CPAMD8: variants seen among roughly 807,000 people sequenced by gnomAD.
The protein encoded by CPAMD8 is C3 and PZP like alpha-2-macroglobulin domain containing 8.
Under a neutral mutation model 224.7 loss-of-function variants are expected in CPAMD8, and 146 were observed. That is an observed-to-expected ratio of 0.65 (90% CI 0.57 to 0.75). The LOEUF is 0.75. Ranked by LOEUF, CPAMD8 falls within the 30% of genes least tolerant of loss-of-function variation. The pLI is 0.00. For synonymous variants in CPAMD8, 966 were observed against 1,044.6 expected (o/e 0.92, Z 1.45); for missense variants, 2,301 against 2,537.5 (o/e 0.91, Z 2.00).
At chr19:17,017,739 T>C (rs143535294) in intron 3 of CPAMD8, among the ~76,000 whole-genome samples, 316 of 152,244 alleles carry the variant, frequency 2.1e-3, no homozygotes, top group African/African-American at 7.1e-3. Flanking sequence ...TCATCAAATG[T>C]AATGGAGGGG....
chr19:16,999,320 C>T (rs1230447207), intron 10 of CPAMD8, among the ~76,000 whole-genome samples: 4 of 152,052 alleles, frequency 2.6e-5, no homozygotes, highest in African/African-American at 9.7e-5. Flanking sequence ...GTGGCTCACG[C>T]CTGTAATCCC....
In CPAMD8 at chr19:17,011,332, GA is replaced by G. The variant is rs1292162828; in HGVS notation, c.486+131del. The stretch of plus-strand genomic sequence containing the variant: ...AAGAACTCCCTGGGGTTCTCCGGGG[GA>G]CATGAAACAACCATGAAAGAAAATA... On this transcript the variant is annotated intron_variant, in intron 5 of 41. Transcript: ENST00000443236. 6.8e-6 allele frequency: 7 copies of G among 1,035,238 alleles called. No individual in the cohort carries two copies. The East Asian group carries it at 1.7e-4, about 25-fold the overall frequency. 64.1% of individuals were successfully genotyped at this position (1,035,238 alleles called of 1,614,324 possible). A position where few individuals can be genotyped will look rare whatever the true frequency, so the allele number is the denominator to read the frequency against.
chr19:16,920,535 C>CGGAAGAT (rs1346330596), intron 27 of CPAMD8, among the ~76,000 whole-genome samples: 1 of 151,158 alleles, frequency 6.6e-6, no homozygotes, highest in Non-Finnish European at 1.5e-5. Flanking sequence ...GTTTAATCCC[C>CGGAAGAT]GGAAGATGCT....
At chr19:16,993,704 A>T in intron 11 of CPAMD8, 118 bp from the exon 12 acceptor site, 2 of 929,084 alleles carry the variant, frequency 2.2e-6, no homozygotes, top group African/African-American at 3.3e-5. Context: ...GAAATTGACA[A>T]ACTGCTCCTG....
intron 20 of CPAMD8, 106 bp from the exon 21 acceptor site, chr19:16,947,333 A>G: frequency 7.4e-7 from 1 of 1,343,918 alleles, no homozygotes; most frequent in South Asian, 1.4e-5. Context: ...CAGACTTGTC[A>G]GCCTCCCAAA....
chr19:16,950,309 T>C (rs2054257785), intron 20 of CPAMD8, among the ~76,000 whole-genome samples: 1 of 151,262 alleles, frequency 6.6e-6, no homozygotes, highest in Non-Finnish European at 1.5e-5. Flanking sequence ...AATAAATAAA[T>C]AAATAAATAA....
chr19:16,999,416 T>C (rs1334426228), intron 10 of CPAMD8, among the ~76,000 whole-genome samples: 2 of 150,910 alleles, frequency 1.3e-5, no homozygotes, highest in Non-Finnish European at 3.0e-5. Context: ...CCGTCTCTAC[T>C]AAAAATACAA....
At position 16,898,115 on chromosome 19, in the gene CPAMD8, A is replaced by G. The variant is rs2052103333; in HGVS notation, c.4849-121T>C. 3.2e-6 allele frequency: 2 copies of G among 620,408 alleles called. No homozygotes were observed. Among genetic ancestry groups the G allele is most frequent in the Non-Finnish European group, 5.5e-6 (2 of 361,382 alleles). 38.4% of individuals were successfully genotyped at this position (620,408 alleles called of 1,614,324 possible). A position where few individuals can be genotyped will look rare whatever the true frequency, so the allele number is the denominator to read the frequency against. On this transcript the variant is annotated intron_variant, in intron 37 of 41. Transcript: ENST00000443236. This position sits in a 1 kb window ranked among gnomAD's most constrained non-coding sequence, Gnocchi z 4.2. The stretch of plus-strand genomic sequence containing the variant: ...ACGCGTGAAACACAGAAGAAACGTG[A>G]TCCCATTTTCTTTTTTTCTTTTACT...
chr19:16,976,212 A>C, intron 15 of CPAMD8, 61 bp from the exon 16 acceptor site: 1 of 1,448,144 alleles, frequency 6.9e-7, no homozygotes, highest in East Asian at 2.4e-5. Flanking sequence ...GTGGTGGCTC[A>C]CGCCTGTAAT....
rs116289704 is a variant in CPAMD8 at position 16,945,565 on chromosome 19, C to T, written c.2777G>A (p.Arg926His). The change falls in exon 22 of 42, where the codon CGC becomes CAC. Residue 926 changes from arginine to histidine, a missense_variant. By Grantham distance (29) the Arg-to-His change is conservative. Transcript: ENST00000443236. Reference protein sequence around the residue: ...RVPIGVDHVRRSVMVEAEGVP... With the variant: ...RVPIGVDHVRHSVMVEAEGVP... The stretch of plus-strand genomic sequence containing the variant: ...CGGCCTTACCTCAACCATCACACTG[C>T]GCCTGACGTGATCCACCCCGATGGG... 1.1e-3 allele frequency: 1,810 copies of T among 1,614,068 alleles called. 22 individuals carry two copies. The African/African-American group carries it at 0.02, about 18-fold the overall frequency.
intron 26 of CPAMD8, 110 bp downstream of exon 26, chr19:16,925,086 C>A: frequency 8.5e-7 from 1 of 1,171,942 alleles, no homozygotes. Flanking sequence ...CCCACTTCCT[C>A]CCCTTTGCTG....
chr19:16,928,915 C>A, intron 24 of CPAMD8, 27 bp downstream of exon 24: 1 of 1,551,358 alleles, frequency 6.4e-7, no homozygotes, highest in Non-Finnish European at 8.7e-7. Flanking sequence ...GGCTTCTGCA[C>A]AAGCCCCAGG....
intron 18 of CPAMD8, among the ~76,000 whole-genome samples, chr19:16,965,205 A>G (rs900371402): frequency 2.2e-4 from 34 of 152,040 alleles, no homozygotes; most frequent in African/African-American, 7.7e-4. Context: ...GCTTGCAGTG[A>G]GCCGATATCG....
intron 25 of CPAMD8, among the ~76,000 whole-genome samples, chr19:16,926,808 T>C (rs1480880657): frequency 6.6e-6 from 1 of 152,104 alleles, no homozygotes; most frequent in Non-Finnish European, 1.5e-5. Flanking sequence ...CCTCTCTGCT[T>C]CTTCTCCTAT....
chr19:16,922,542 GT>G (rs2053216767), intron 26 of CPAMD8, among the ~76,000 whole-genome samples: 1 of 147,164 alleles, frequency 6.8e-6, no homozygotes, highest in African/African-American at 2.5e-5. Flanking sequence ...CACATCTGGG[GT>G]TCTTGAAACT....
At chr19:17,021,914 A>G (rs2056967880) in intron 2 of CPAMD8, 116 bp downstream of exon 2, 10 of 369,652 alleles carry the variant, frequency 2.7e-5, no homozygotes, top group Non-Finnish European at 3.7e-5. Flanking sequence ...GCCCCTGGGG[A>G]TTTAGGGCAG....
In CPAMD8 at chr19:16,979,386, T is replaced by TCATCCATCCATC. The variant is rs55698805; in HGVS notation, c.1585+1099_1585+1110dup. Among the ~76,000 whole-genome samples the TCATCCATCCATC allele has an allele frequency of 7.4e-3, 992 of 133,552 alleles. 15 individuals carry two copies. Among genetic ancestry groups the TCATCCATCCATC allele is most frequent in the African/African-American group, 0.026 (862 of 33,408 alleles). The allele number at this position is 133,552 out of a possible 152,430, so 87.6% of individuals were successfully genotyped here. On this transcript the variant is annotated intron_variant, in intron 14 of 41. Transcript: ENST00000443236. ...TCTGTCCATCCATCCATCTGTCCAT[T>TCATCCATCCATC]CATCCATCCATCCATCCATCCATCC...
At chr19:16,925,066 G>T in intron 26 of CPAMD8, 130 bp downstream of exon 26, 1 of 910,378 alleles carries the variant, frequency 1.1e-6, no homozygotes, top group Non-Finnish European at 1.7e-6. Context: ...ACCCTGAATG[G>T]CCTCTTTTGC....
chr19:16,981,352 C>T (rs975843720), intron 13 of CPAMD8, among the ~76,000 whole-genome samples: 1 of 151,124 alleles, frequency 6.6e-6, no homozygotes, highest in African/African-American at 2.5e-5. Flanking sequence ...CAGAGTGAGA[C>T]CCTGTCTCCA....
Sources: gnomAD v4.1 joint callset for allele counts (sites outside exome capture counted in the v4.1 genomes callset) on GRCh38, gnomAD v4.1.1 for gene constraint, Gnocchi (gnomAD v3.1) non-coding constraint, MANE v1.5 for transcripts, NCBI Gene and HGNC (gene_info 2026-07-23, HGNC 2026-07-21) for gene names.